ZNF804A: variants seen among roughly 807,000 people sequenced by gnomAD.
The protein encoded by ZNF804A is zinc finger protein 804A.
A neutral mutation model predicts 16.5 loss-of-function variants in ZNF804A; 2 were observed. That is an observed-to-expected ratio of 0.12 (90% confidence interval 0.05 to 0.38). The LOEUF (loss-of-function observed/expected upper bound fraction) is 0.38. Among genes scored for constraint, ZNF804A ranks in the 10% least tolerant of loss-of-function variants. The pLI is 0.99. For synonymous variants in ZNF804A, 534 were observed against 489.6 expected, an observed-to-expected ratio of 1.09 and a Z score of -1.20; for missense variants, 1,473 against 1,390.7, an observed-to-expected ratio of 1.06 and a Z score of -0.94.
At chr2:184,821,771 C>G (rs1331341567) in intron 1 of ZNF804A, among the ~76,000 whole-genome samples, 1 of 152,062 alleles carries the variant, frequency 6.6e-6, no homozygotes, top group Non-Finnish European at 1.5e-5. Flanking sequence ...GCATATACTT[C>G]TCAAAAGAAG....
At chr2:184,910,735 G>C (rs1295793723) in intron 2 of ZNF804A, among the ~76,000 whole-genome samples, 1 of 151,670 alleles carries the variant, frequency 6.6e-6, no homozygotes, top group Admixed American at 6.6e-5. Context: ...AGTAATGTTG[G>C]GCATTTTTCA....
chr2:184,623,671 T>C (rs181434162), intron 1 of ZNF804A, among the ~76,000 whole-genome samples: 377 of 152,216 alleles, frequency 2.5e-3, no homozygotes, highest in Non-Finnish European at 4.5e-3. Flanking sequence ...ACCCAGCACT[T>C]GACCCAGATA....
At chr2:184,628,229 C>T (rs1030818501) in intron 1 of ZNF804A, among the ~76,000 whole-genome samples, 2 of 151,912 alleles carry the variant, frequency 1.3e-5, no homozygotes, top group African/African-American at 4.8e-5. Flanking sequence ...GCAGGATAAT[C>T]GCTTGAACTG....
intron 1 of ZNF804A, among the ~76,000 whole-genome samples, chr2:184,827,094 C>A (rs145215757): frequency 1.9e-4 from 29 of 151,706 alleles, no homozygotes; most frequent in African/African-American, 7.0e-4. Context: ...TGTTAAATGT[C>A]ATTTCTACTG....
At chr2:184,627,446 C>G (rs1410452833) in intron 1 of ZNF804A, among the ~76,000 whole-genome samples, 1 of 152,000 alleles carries the variant, frequency 6.6e-6, no homozygotes, top group East Asian at 1.9e-4. Flanking sequence ...AAACATTTGG[C>G]TTTTTTAACT....
intron 2 of ZNF804A, among the ~76,000 whole-genome samples, chr2:184,931,633 G>C (rs1241095374): frequency 6.6e-6 from 1 of 152,192 alleles, no homozygotes. Flanking sequence ...GACAGGACAG[G>C]CTGCTGTGAA....
intron 2 of ZNF804A, among the ~76,000 whole-genome samples, chr2:184,891,167 C>T (rs1574258818): frequency 6.6e-6 from 1 of 152,120 alleles, no homozygotes; most frequent in East Asian, 1.9e-4. Flanking sequence ...TAATGCCAAG[C>T]TGACGTTCTC....
intron 1 of ZNF804A, among the ~76,000 whole-genome samples, chr2:184,810,239 G>T (rs929344254): frequency 6.6e-6 from 1 of 152,094 alleles, no homozygotes; most frequent in Non-Finnish European, 1.5e-5. Context: ...TAAAATATTT[G>T]CAATTTTTAT....
intron 1 of ZNF804A, among the ~76,000 whole-genome samples, chr2:184,787,977 C>A (rs1370293660): frequency 1.3e-5 from 2 of 151,544 alleles, no homozygotes; most frequent in Non-Finnish European, 3.0e-5. Context: ...GGCTTCATGT[C>A]CTAGGTTTAG....
chr2:184,884,128 T>C (rs1444820704), intron 2 of ZNF804A, among the ~76,000 whole-genome samples: 1 of 152,026 alleles, frequency 6.6e-6, no homozygotes. Flanking sequence ...AAACTCAACA[T>C]ACAAAAATCA....
intron 1 of ZNF804A, among the ~76,000 whole-genome samples, chr2:184,679,964 A>C (rs1187172341): frequency 6.6e-6 from 1 of 152,180 alleles, no homozygotes; most frequent in African/African-American, 2.4e-5. Context: ...GCCCAGAGTA[A>C]GAACTTATGG....
At chr2:184,882,457 C>G (rs959752552) in intron 2 of ZNF804A, among the ~76,000 whole-genome samples, 2 of 152,026 alleles carry the variant, frequency 1.3e-5, no homozygotes, top group Non-Finnish European at 2.9e-5. Context: ...ACCAAATGGA[C>G]CCAACAGATA....
rs541223476 is a variant in ZNF804A, at chr2:184,743,831, A to T, written c.112-122538A>T. On this transcript the variant is annotated intron_variant, in intron 1 of 3. Coordinates refer to ENST00000302277, the MANE Select transcript of ZNF804A (RefSeq NM_194250.2). The stretch of plus-strand genomic sequence containing the variant: ...ATAAACTGGAAATGCTATAAATTTG[A>T]TGAGTGTTTTTAGAAGCACTCTCTA... 5.3e-5 allele frequency among the ~76,000 whole-genome samples: 8 copies of T among 152,084 alleles called. No homozygotes were observed. In the South Asian group the frequency reaches 1.2e-3, roughly 24 times the overall value.
chr2:184,927,661 T>C (rs954915487), intron 2 of ZNF804A, among the ~76,000 whole-genome samples: 4 of 152,160 alleles, frequency 2.6e-5, no homozygotes, highest in African/African-American at 9.7e-5. Context: ...TGGTGTTCCA[T>C]TGTACTGTCG....
At chr2:184,723,144 A>G (rs1329215044) in intron 1 of ZNF804A, among the ~76,000 whole-genome samples, 1 of 151,918 alleles carries the variant, frequency 6.6e-6, no homozygotes, top group East Asian at 1.9e-4. Flanking sequence ...TAAAATAGAT[A>G]CATACACACA....
rs911309249 is a variant in ZNF804A at position 184,637,257 on chromosome 2, A to T, written c.111+38187A>T. On this transcript the variant is annotated intron_variant, in intron 1 of 3. Coordinates refer to ENST00000302277, the MANE Select transcript of ZNF804A (RefSeq NM_194250.2). ...ATATAGTAAACGAGGAGCAGATGAG[A>T]TGTGAATTATTTCATGAAGTATTTT... Among the ~76,000 whole-genome samples the T allele has an allele frequency of 4.6e-5, 7 of 152,218 alleles. No homozygotes were observed. In the East Asian group the frequency reaches 1.4e-3, roughly 29 times the overall value.
chr2:184,914,405 A>G (rs557249505), intron 2 of ZNF804A, among the ~76,000 whole-genome samples: 1 of 152,318 alleles, frequency 6.6e-6, no homozygotes, highest in Admixed American at 6.5e-5. Context: ...TGTTCTGGCA[A>G]GGGACAAACT....
At chr2:184,650,033 G>A (rs563627773) in intron 1 of ZNF804A, among the ~76,000 whole-genome samples, 143 of 152,030 alleles carry the variant, frequency 9.4e-4, no homozygotes, top group South Asian at 1.7e-3. Flanking sequence ...GGCCATTATC[G>A]CTGATGAACA....
intron 1 of ZNF804A, among the ~76,000 whole-genome samples, chr2:184,835,327 T>A (rs1695325449): frequency 1.3e-5 from 2 of 152,146 alleles, no homozygotes. Context: ...GGGGTAGCTA[T>A]GCAGTCATAT....
Sources: gnomAD v4.1 joint callset for allele counts (sites outside exome capture counted in the v4.1 genomes callset) on GRCh38, gnomAD v4.1.1 for gene constraint, MANE v1.5 for transcripts, NCBI Gene and HGNC (gene_info 2026-07-23, HGNC 2026-07-21) for gene names.